Variants in UPP1 observed in about 807,000 individuals in gnomAD.
UPP1 encodes uridine phosphorylase 1.
Under a neutral mutation model 29.6 loss-of-function variants are expected in UPP1, and 25 were observed. That is an observed-to-expected ratio of 0.85 (90% CI 0.62 to 1.18). The LOEUF (loss-of-function observed/expected upper bound fraction) is 1.18. Among genes scored for constraint, UPP1 ranks in the 50% most tolerant of loss-of-function variants. The pLI is 0.00. For missense variants in UPP1, 368 were observed against 410.4 expected, an observed-to-expected ratio of 0.90 and a Z score of 0.89; for synonymous variants, 165 against 159.8, an observed-to-expected ratio of 1.03 and a Z score of -0.25.
At chr7:48,094,986 C>G (rs150877179) in intron 3 of UPP1, among the ~76,000 whole-genome samples, 159 bp downstream of exon 3, 139 of 152,282 alleles carry the variant, frequency 9.1e-4, no homozygotes, top group African/African-American at 3.2e-3. Flanking sequence ...TCAGGAGGTT[C>G]GTACATTAGA....
intron 6 of UPP1, chr7:48,103,941 C>T (rs1415739291): frequency 1.7e-5 from 21 of 1,257,872 alleles, no homozygotes; most frequent in Admixed American, 1.3e-4. Context: ...GATGGTTGGC[C>T]GGGCGCGGTG....
At chr7:48,094,141 CAG>C (rs1313635624) in intron 2 of UPP1, among the ~76,000 whole-genome samples, 1 of 152,064 alleles carries the variant, frequency 6.6e-6, no homozygotes, top group Non-Finnish European at 1.5e-5. Context: ...GCCTGGGTGA[CAG>C]AGCGAGACTG....
At chr7:48,104,722 C>T (rs1212350300) in intron 6 of UPP1, 1 of 152,170 alleles carries the variant, frequency 6.6e-6, no homozygotes, top group Non-Finnish European at 1.5e-5. Context: ...GAAATTGTCC[C>T]TAGGACAACA....
In UPP1 at chr7:48,103,333, C is replaced by A. The variant is rs768750880; in HGVS notation, c.358C>A (p.His120Asn). Residue 120 changes from histidine (H) to asparagine (N), a missense_variant, in exon 6 of 9, where the codon CAT becomes AAT. By Grantham distance (68) the His-to-Asn change is moderately conservative. Coordinates refer to ENST00000395564, the MANE Select transcript of UPP1 (RefSeq NM_003364.4). ...MGIPSISIML[H>N]ELIKLLYYAR... ...CATTCCTTCTATCTCAATCATGTTGCATGAGCTCATAAAGCTGCTGTACTA... is the reference window on the plus strand; with the variant it reads ...CATTCCTTCTATCTCAATCATGTTGAATGAGCTCATAAAGCTGCTGTACTA... 4.3e-6 allele frequency: 7 copies of A among 1,613,888 alleles called. No homozygotes were observed. The highest frequency in any genetic ancestry group is 5.9e-6 in the Non-Finnish European group (7 of 1,179,904).
chr7:48,105,709 C>T (rs1187034973), intron 6 of UPP1: 1 of 152,306 alleles, frequency 6.6e-6, no homozygotes, highest in African/African-American at 2.4e-5. Context: ...TCTGTTTTCT[C>T]CCTGTGTGCT....
chr7:48,105,872 T>A (rs1391047429), intron 6 of UPP1: 1 of 152,154 alleles, frequency 6.6e-6, no homozygotes, highest in Non-Finnish European at 1.5e-5. Flanking sequence ...AGCCTATGAA[T>A]TTTGAGGGGG....
intron 6 of UPP1, chr7:48,106,019 T>C (rs1323932397): frequency 2.6e-5 from 4 of 152,192 alleles, no homozygotes; most frequent in Admixed American, 1.3e-4. Context: ...ACATAGAAAC[T>C]GGACCCTAAT....
At chr7:48,091,360 ACTCTTCCT>A (rs1369994470) in intron 2 of UPP1, among the ~76,000 whole-genome samples, 1 of 150,338 alleles carries the variant, frequency 6.7e-6, no homozygotes, top group Non-Finnish European at 1.5e-5. Flanking sequence ...CACCGAAAAG[ACTCTTCCT>A]TGGGGAGCCA....
chr7:48,107,131 C>T (rs758432263), intron 7 of UPP1, 49 bp downstream of exon 7: 1 of 1,594,756 alleles, frequency 6.3e-7, no homozygotes, highest in East Asian at 2.2e-5. Context: ...GAACCCTGGT[C>T]CGTCCCCTGA....
intron 3 of UPP1, among the ~76,000 whole-genome samples, chr7:48,097,541 C>T (rs986254424): frequency 6.6e-6 from 1 of 152,176 alleles, no homozygotes; most frequent in Admixed American, 6.5e-5. Flanking sequence ...GCCAAATTTT[C>T]ATGTTTTAAA....
At chr7:48,103,216 AT>A (rs1428271807) in intron 5 of UPP1, 80 bp from the exon 6 acceptor site, 5 of 1,040,684 alleles carry the variant, frequency 4.8e-6, no homozygotes, top group African/African-American at 4.7e-5. Flanking sequence ...GTTAGATTGA[AT>A]TACATCACAT....
At chr7:48,107,155 C>A in intron 7 of UPP1, 73 bp downstream of exon 7, 1 of 1,557,406 alleles carries the variant, frequency 6.4e-7, no homozygotes. Context: ...TGCCTTCTCG[C>A]TGTGGACTGG....
rs1277199738 is a variant in UPP1, at chr7:48,103,322, C to T, written c.347C>T (p.Ser116Leu). Residue 116 changes from serine to leucine, a missense_variant, in exon 6 of 9, where the codon TCA becomes TTA. By Grantham distance (145) the Ser-to-Leu change is moderately radical (BLOSUM62 -2). Coordinates refer to ENST00000395564, the MANE Select transcript of UPP1 (RefSeq NM_003364.4). ...VSHGMGIPSISIMLHELIKLL... is the reference protein window; with the variant it reads ...VSHGMGIPSILIMLHELIKLL... Reference sequence around the variant, plus strand: ...CATGGTATGGGCATTCCTTCTATCTCAATCATGTTGCATGAGCTCATAAAG... The same window carrying T: ...CATGGTATGGGCATTCCTTCTATCTTAATCATGTTGCATGAGCTCATAAAG... 2 of 1,613,886 alleles carry T rather than the reference C, an allele frequency of 1.2e-6. No homozygotes were observed. The highest frequency in any genetic ancestry group is 1.7e-6 in the Non-Finnish European group (2 of 1,179,898).
At chr7:48,103,013 C>T (rs1218508374) in intron 5 of UPP1, among the ~76,000 whole-genome samples, 1 of 152,166 alleles carries the variant, frequency 6.6e-6, no homozygotes, top group Admixed American at 6.5e-5. Flanking sequence ...CTGTTTGTTA[C>T]CTGGCAATAG....
chr7:48,097,542 A>G (rs1357353573), intron 3 of UPP1, among the ~76,000 whole-genome samples: 1 of 152,148 alleles, frequency 6.6e-6, no homozygotes, highest in Non-Finnish European at 1.5e-5. Flanking sequence ...CCAAATTTTC[A>G]TGTTTTAAAA....
intron 3 of UPP1, among the ~76,000 whole-genome samples, chr7:48,095,101 A>T (rs1792058490): frequency 6.6e-6 from 1 of 152,182 alleles, no homozygotes. Flanking sequence ...TCTGTCTAGT[A>T]GGTTTTTCCT....
At chr7:48,094,376 T>A (rs556308230) in intron 2 of UPP1, among the ~76,000 whole-genome samples, 3 of 152,048 alleles carry the variant, frequency 2.0e-5, no homozygotes, top group Non-Finnish European at 2.9e-5. Context: ...CCACCACACC[T>A]GGCTAATTTT....
At chr7:48,108,072 C>A in intron 8 of UPP1, 146 bp from the exon 9 acceptor site, 1 of 1,226,226 alleles carries the variant, frequency 8.2e-7, no homozygotes, top group Non-Finnish European at 1.1e-6. Context: ...GCACTCCATC[C>A]TCCGGCCCCG....
At chr7:48,101,116 C>T (rs1305619629) in intron 4 of UPP1, among the ~76,000 whole-genome samples, 1 of 152,130 alleles carries the variant, frequency 6.6e-6, no homozygotes, top group African/African-American at 2.4e-5. Context: ...CCATGTTGGA[C>T]AGGCTGGTCT....
Sources: allele counts gnomAD v4.1 joint callset (sites outside exome capture counted in the v4.1 genomes callset), GRCh38; gene constraint gnomAD v4.1.1; transcripts MANE v1.5; gene names NCBI Gene and HGNC (gene_info 2026-07-23, HGNC 2026-07-21).